The following RERG variants were observed in gnomAD, a reference collection of about 807,000 sequenced individuals.
RERG encodes ras-related and estrogen-regulated growth inhibitor.
RERG carries 25 observed loss-of-function variants against 23.2 expected under a neutral mutation model. That is an observed-to-expected ratio of 1.08 (90% CI 0.79 to 1.50). The LOEUF (loss-of-function observed/expected upper bound fraction) is 1.50, where lower values mean the gene tolerates loss of function less well. Among genes scored for constraint, RERG ranks in the 40% most tolerant of loss-of-function variants. The probability of loss-of-function intolerance (pLI) is 0.00; values close to 1 mark genes in which losing one functional copy is unlikely to be tolerated. For missense variants in RERG, 253 were observed against 250.1 expected (o/e 1.01, Z -0.08); for synonymous variants, 81 against 89.1 (o/e 0.91, Z 0.51).
chr12:15,111,137 C>T (rs1025931237), intron 4 of RERG: 2 of 430,188 alleles, frequency 4.6e-6, no homozygotes, highest in Non-Finnish European at 4.1e-6. Flanking sequence ...ATTTTCAAAA[C>T]CCCCTTGAAA....
chr12:15,183,841 G>A (rs1343582524), intron 2 of RERG, among the ~76,000 whole-genome samples: 1 of 152,096 alleles, frequency 6.6e-6, no homozygotes, highest in Non-Finnish European at 1.5e-5. Flanking sequence ...AACCTGTCAC[G>A]AACCCAGCTG....
intron 3 of RERG, among the ~76,000 whole-genome samples, chr12:15,112,120 C>T (rs970286840): frequency 1.1e-4 from 16 of 152,124 alleles, no homozygotes; most frequent in African/African-American, 3.1e-4. Flanking sequence ...TTCTAAAAAT[C>T]GAGTTTTTGG....
intron 2 of RERG, among the ~76,000 whole-genome samples, chr12:15,212,185 G>A (rs978209716): frequency 4.1e-5 from 6 of 146,856 alleles, no homozygotes; most frequent in South Asian, 2.2e-4. Context: ...TCAGCCTCCC[G>A]AGTAGCTGGG....
At chr12:15,175,333 CTGTGTGTG>C (rs532399275) in intron 2 of RERG, among the ~76,000 whole-genome samples, 2,575 of 112,212 alleles carry the variant, frequency 0.023, 37 homozygotes, top group Middle Eastern at 0.039. Flanking sequence ...CTCTCAGGCT[CTGTGTGTG>C]TGTGTGTGTG....
At chr12:15,136,555 A>G (rs1057103316) in intron 2 of RERG, among the ~76,000 whole-genome samples, 2 of 151,986 alleles carry the variant, frequency 1.3e-5, no homozygotes, top group Non-Finnish European at 2.9e-5. Context: ...TTTTTATTTA[A>G]TCACTGCTTT....
chr12:15,195,579 GTGTGTGTGTGTGTGTGTGTGTGCA>G (rs1161392488), intron 2 of RERG, among the ~76,000 whole-genome samples: 2 of 149,960 alleles, frequency 1.3e-5, no homozygotes, highest in African/African-American at 4.9e-5. Flanking sequence ...GTGTGTGTGT[GTGTGTGTGTGTGTGTGTGTGTGCA>G]TGTGTGTGTT....
At chr12:15,162,891 C>A (rs559318261) in intron 2 of RERG, among the ~76,000 whole-genome samples, 2 of 152,258 alleles carry the variant, frequency 1.3e-5, no homozygotes, top group East Asian at 3.9e-4. Flanking sequence ...TTGCTCTAGA[C>A]CTTAGAGTCC....
intron 2 of RERG, among the ~76,000 whole-genome samples, chr12:15,177,599 T>A (rs1470268944): frequency 6.6e-6 from 1 of 152,154 alleles, no homozygotes; most frequent in Non-Finnish European, 1.5e-5. Flanking sequence ...GCTCCACATT[T>A]GAGCATGAAA....
At chr12:15,143,855 A>G (rs1864284530) in intron 2 of RERG, among the ~76,000 whole-genome samples, 1 of 152,194 alleles carries the variant, frequency 6.6e-6, no homozygotes, top group Admixed American at 6.5e-5. Flanking sequence ...TTTCACTAAC[A>G]AGATGTCATC....
At chr12:15,150,042 C>A (rs985790164) in intron 2 of RERG, among the ~76,000 whole-genome samples, 3 of 152,092 alleles carry the variant, frequency 2.0e-5, no homozygotes, top group African/African-American at 7.2e-5. Flanking sequence ...GTCTGTGAAC[C>A]CCCCTGAAGG....
At chr12:15,122,013 A>G (rs1863840513) in intron 2 of RERG, among the ~76,000 whole-genome samples, 1 of 148,488 alleles carries the variant, frequency 6.7e-6, no homozygotes, top group African/African-American at 2.5e-5. Flanking sequence ...TATAGTTGAA[A>G]ACAGTGGTTT....
rs112611374 is a variant in RERG, at chr12:15,118,835, C to T, written c.118+2228G>A. ...GCTTCCACGCTTCCTGTACAGCCTG[C>T]AGAACCATGAGCCAATTAAACCTCT... On this transcript the variant is annotated intron_variant, in intron 3 of 4. Coordinates refer to ENST00000256953, the MANE Select transcript of RERG (RefSeq NM_032918.3). Among the ~76,000 whole-genome samples the T allele has an allele frequency of 3.2e-3, 487 of 152,222 alleles. 2 individuals are homozygous for T. The highest frequency in any genetic ancestry group is 5.4e-3 in the Non-Finnish European group (365 of 67,998).
intron 2 of RERG, among the ~76,000 whole-genome samples, chr12:15,212,657 T>C (rs990557182): frequency 6.6e-6 from 1 of 152,112 alleles, no homozygotes; most frequent in Non-Finnish European, 1.5e-5. Flanking sequence ...GCTACTTAAA[T>C]AGAGAAGAAG....
At chr12:15,193,290 C>A (rs2136136092) in intron 2 of RERG, among the ~76,000 whole-genome samples, 1 of 152,182 alleles carries the variant, frequency 6.6e-6, no homozygotes, top group East Asian at 1.9e-4. Flanking sequence ...GAGTTATATT[C>A]AGTAATATTT....
chr12:15,151,218 C>T (rs1462257695), intron 2 of RERG, among the ~76,000 whole-genome samples: 1 of 152,062 alleles, frequency 6.6e-6, no homozygotes, highest in East Asian at 1.9e-4. Flanking sequence ...GGAAAACTGA[C>T]TTTGAAAATA....
intron 2 of RERG, among the ~76,000 whole-genome samples, chr12:15,179,976 C>A (rs1218352362): frequency 6.6e-6 from 1 of 151,838 alleles, no homozygotes; most frequent in Non-Finnish European, 1.5e-5. Flanking sequence ...AGCATTACAA[C>A]AAGTTTAGAA....
intron 2 of RERG, among the ~76,000 whole-genome samples, chr12:15,159,756 G>A (rs1236613333): frequency 1.3e-5 from 2 of 152,132 alleles, no homozygotes; most frequent in South Asian, 2.1e-4. Context: ...CCCGGGAGGC[G>A]TAGCTTGCAG....
At chr12:15,195,121 T>G (rs1428907427) in intron 2 of RERG, among the ~76,000 whole-genome samples, 1 of 152,034 alleles carries the variant, frequency 6.6e-6, no homozygotes, top group Non-Finnish European at 1.5e-5. Flanking sequence ...CTGAACATCA[T>G]TATAGTCATG....
Position 15,217,411 on chromosome 12 carries a change from C to A in RERG, c.61+18G>T, listed in dbSNP as rs768099737. On this transcript the variant is annotated intron_variant, in intron 2 of 4. Coordinates refer to ENST00000256953, the MANE Select transcript of RERG (RefSeq NM_032918.3). The stretch of plus-strand genomic sequence containing the variant: ...CACCCACACACACACACTATAACAA[C>A]CACAACGAAAATCTTACCTGACTTG... 1 of 1,589,480 alleles carries A rather than the reference C, an allele frequency of 6.3e-7. No homozygotes were observed. Among genetic ancestry groups the A allele is most frequent in the East Asian group, 2.2e-5 (1 of 44,736 alleles).
Sources: allele counts gnomAD v4.1 joint callset (sites outside exome capture counted in the v4.1 genomes callset), GRCh38; gene constraint gnomAD v4.1.1; transcripts MANE v1.5; gene names NCBI Gene and HGNC (gene_info 2026-07-23, HGNC 2026-07-21).